FRMD1: variants seen among roughly 807,000 people sequenced by gnomAD.
FRMD1 encodes the protein FERM domain containing 1.
FRMD1 carries 51 observed loss-of-function variants against 54.9 expected under a neutral mutation model. The observed-to-expected ratio is 0.93, with a 90% CI of 0.74 to 1.17. The LOEUF is 1.17. Among genes scored for constraint, FRMD1 ranks in the 50% most tolerant of loss-of-function variants. The pLI is 0.00. For synonymous variants in FRMD1, 324 were observed against 306.4 expected, an observed-to-expected ratio of 1.06 and a Z score of -0.60; for missense variants, 729 against 743.0, an observed-to-expected ratio of 0.98 and a Z score of 0.22.
In FRMD1 at chr6:168,056,765, C is replaced by T; in HGVS notation, c.*332G>A. On this transcript the variant is annotated 3_prime_UTR_variant, in exon 11 of 11. Coordinates refer to ENST00000283309, the MANE Select transcript of FRMD1 (RefSeq NM_024919.6). ...TGGGCCCAGCTGTGTCACCTTCTCTCCCAGATTAGGATGGGTGACAGGCTG... is the reference window on the plus strand; with the variant it reads ...TGGGCCCAGCTGTGTCACCTTCTCTTCCAGATTAGGATGGGTGACAGGCTG... 1 of 210,132 alleles carries T rather than the reference C, an allele frequency of 4.8e-6. No individual in the cohort carries two copies. Among genetic ancestry groups the T allele is most frequent in the Non-Finnish European group, 9.5e-6 (1 of 105,458 alleles). The allele number at this position is 210,132 out of a possible 1,614,324, so 13.0% of individuals were successfully genotyped here.
chr6:168,060,724 A>T, intron 9 of FRMD1, 37 bp downstream of exon 9: 1 of 1,579,634 alleles, frequency 6.3e-7, no homozygotes. Flanking sequence ...GACCACACTC[A>T]CTGTCCCTGA....
chr6:168,087,447 CAG>C (rs1180141236), intron 1 of FRMD1, among the ~76,000 whole-genome samples: 1 of 152,238 alleles, frequency 6.6e-6, no homozygotes, highest in Non-Finnish European at 1.5e-5. Flanking sequence ...TGTTGGTCAG[CAG>C]AGTCTCCCAC....
intron 1 of FRMD1, among the ~76,000 whole-genome samples, chr6:168,077,162 C>T (rs1032591111): frequency 1.3e-5 from 2 of 152,118 alleles, no homozygotes; most frequent in African/African-American, 4.8e-5. Context: ...TCTCCTACTG[C>T]AGACACAGAT....
intron 2 of FRMD1, among the ~76,000 whole-genome samples, chr6:168,074,668 GTGTA>G (rs1159104043): frequency 8.0e-5 from 12 of 150,940 alleles, no homozygotes; most frequent in East Asian, 2.0e-4. Flanking sequence ...TGTGGTGTAT[GTGTA>G]TGTGTGAGTG....
chr6:168,060,083 G>A (rs1422296070), intron 9 of FRMD1, among the ~76,000 whole-genome samples: 1 of 105,880 alleles, frequency 9.4e-6, no homozygotes. Flanking sequence ...AGGAGTCCAC[G>A]GGGCTTCTTA....
intron 1 of FRMD1, among the ~76,000 whole-genome samples, chr6:168,077,577 T>A (rs1583205121): frequency 1.3e-5 from 2 of 152,216 alleles, no homozygotes; most frequent in East Asian, 3.8e-4. Context: ...AGGAAGTGGC[T>A]CTGTGGTTGC....
At chr6:168,076,251 C>T (rs1800589054) in intron 1 of FRMD1, among the ~76,000 whole-genome samples, 1 of 152,252 alleles carries the variant, frequency 6.6e-6, no homozygotes, top group Non-Finnish European at 1.5e-5. Flanking sequence ...CAGGGCACAG[C>T]TGGGGCAGCT....
Position 168,055,736 on chromosome 6 carries a change from G to A in FRMD1, c.*1361C>T, listed in dbSNP as rs1419702673. 6.6e-6 allele frequency: 1 copy of A among 152,164 alleles called. No individual in the cohort carries two copies. Among genetic ancestry groups the A allele is most frequent in the Non-Finnish European group, 1.5e-5 (1 of 68,032 alleles). 9.4% of individuals were successfully genotyped at this position (152,164 alleles called of 1,614,324 possible). A position where few individuals can be genotyped will look rare whatever the true frequency, so the allele number is the denominator to read the frequency against. On this transcript the variant is annotated 3_prime_UTR_variant, in exon 11 of 11. Transcript: ENST00000283309. ...CAGAACGCAGCCTTCTGTGGCCGAT[G>A]CCCCTGAGTGAGTTACAGCCGGCAT...
chr6:168,066,353 C>A (rs1053688715), intron 4 of FRMD1: 2 of 514,510 alleles, frequency 3.9e-6, no homozygotes, highest in African/African-American at 4.2e-5. Context: ...ACAAAATTAG[C>A]CAGGTGTGGT....
intron 1 of FRMD1, among the ~76,000 whole-genome samples, chr6:168,091,862 C>A (rs2115034858): frequency 6.6e-6 from 1 of 152,040 alleles, no homozygotes; most frequent in East Asian, 1.9e-4. Context: ...TACAACGGGC[C>A]CAGCCATGCC....
chr6:168,066,401 G>C, intron 4 of FRMD1: 1 of 495,744 alleles, frequency 2.0e-6, no homozygotes. Flanking sequence ...TGGAGACTAA[G>C]GCAGAAGAAT....
rs539107496 is a variant in FRMD1, at chr6:168,073,469, C to G, written c.304+1776G>C. Among the ~76,000 whole-genome samples, 7 of 152,288 alleles carry G rather than the reference C, an allele frequency of 4.6e-5. No homozygotes were observed. The East Asian group carries it at 9.7e-4, about 21-fold the overall frequency. On this transcript the variant is annotated intron_variant, in intron 2 of 10. Coordinates refer to ENST00000283309, the MANE Select transcript of FRMD1 (RefSeq NM_024919.6). ...GGACCCCATCTTATTCCCTCTGCCCCCCAGGGTCCTCCTTCCACACCGCCC... is the reference window on the plus strand; with the variant it reads ...GGACCCCATCTTATTCCCTCTGCCCGCCAGGGTCCTCCTTCCACACCGCCC...
At position 168,061,886 on chromosome 6, in the gene FRMD1, G is replaced by A. The variant is rs150947481; in HGVS notation, c.966C>T (p.His322=). Residue 322 remains histidine (H), a synonymous_variant, in exon 8 of 11, where the codon CAC becomes CAT. Coordinates refer to ENST00000283309, the MANE Select transcript of FRMD1 (RefSeq NM_024919.6). ...GCTWRSRHLL[H]LLRASHQLHL... is the part of the protein sequence containing the mutation. ...GGAGCTGGTGGCTGGCGCGCAGCAGGTGCAGCAGGTGCCTGGACCGCCAGG... is the reference window on the plus strand; with the variant it reads ...GGAGCTGGTGGCTGGCGCGCAGCAGATGCAGCAGGTGCCTGGACCGCCAGG... 5.7e-6 allele frequency: 9 copies of A among 1,592,818 alleles called. No individual in the cohort carries two copies. The African/African-American group carries it at 6.7e-5, about 12-fold the overall frequency.
intron 1 of FRMD1, among the ~76,000 whole-genome samples, chr6:168,077,211 A>G (rs1800634357): frequency 6.6e-6 from 1 of 151,752 alleles, no homozygotes; most frequent in Non-Finnish European, 1.5e-5. Flanking sequence ...CCTACTGCAG[A>G]CACAGATGTG....
At chr6:168,074,913 C>T (rs1456987073) in intron 2 of FRMD1, among the ~76,000 whole-genome samples, 1 of 146,680 alleles carries the variant, frequency 6.8e-6, no homozygotes, top group African/African-American at 2.6e-5. Flanking sequence ...GTGCTGCATG[C>T]ATGTGAACAA....
chr6:168,074,382 G>A (rs1433409181), intron 2 of FRMD1, among the ~76,000 whole-genome samples: 2 of 152,222 alleles, frequency 1.3e-5, no homozygotes, highest in Non-Finnish European at 2.9e-5. Context: ...GTGTGTGCAT[G>A]TTTACATGTG....
chr6:168,060,697 C>G (rs1482568244), intron 9 of FRMD1, 64 bp downstream of exon 9: 1 of 1,529,040 alleles, frequency 6.5e-7, no homozygotes, highest in Non-Finnish European at 8.8e-7. Flanking sequence ...CAGGGTCAGC[C>G]AAGCTGGGGC....
At chr6:168,057,400 G>C in intron 10 of FRMD1, 61 bp from the exon 11 acceptor site, 4 of 1,577,042 alleles carry the variant, frequency 2.5e-6, no homozygotes, top group Non-Finnish European at 3.4e-6. Flanking sequence ...CACCGCACAC[G>C]GCAGCCACAC....
chr6:168,081,299 C>A (rs959061090), upstream of FRMD1: 5 of 1,455,258 alleles, frequency 3.4e-6, no homozygotes, highest in Non-Finnish European at 4.6e-6. Context: ...AACTTTGCAC[C>A]CTGAGAAGGC....
Sources: gnomAD v4.1 joint callset for allele counts (sites outside exome capture counted in the v4.1 genomes callset) on GRCh38, gnomAD v4.1.1 for gene constraint, MANE v1.5 for transcripts, NCBI Gene and HGNC (gene_info 2026-07-23, HGNC 2026-07-21) for gene names.